Variants in WHRN observed in about 807,000 individuals in gnomAD.
The protein encoded by WHRN is whirlin, also known as CASK-interacting protein CIP98.
WHRN carries 41 observed loss-of-function variants against 68.3 expected under a neutral mutation model. The ratio of observed to expected loss-of-function variants is 0.60; its 90% CI spans 0.47 to 0.78. The LOEUF is 0.78. Ranked by LOEUF, WHRN falls within the 30% of genes least tolerant of loss-of-function variation. WHRN has a pLI of 0.00. For missense variants in WHRN, 1,243 were observed against 1,244.7 expected (o/e 1.00, Z 0.02); for synonymous variants, 560 against 561.3 (o/e 1.00, Z 0.03).
At position 114,424,473 on chromosome 9, in the gene WHRN, A is replaced by G; in HGVS notation, c.1277T>C (p.Leu426Pro). The G allele has an allele frequency of 1.2e-6, 2 of 1,614,022 alleles. No homozygotes were observed. Among genetic ancestry groups the G allele is most frequent in the Non-Finnish European group, 1.7e-6 (2 of 1,179,990 alleles). The change falls in exon 6 of 12, where the codon CTG (leucine) becomes CCG (proline). Residue 426 changes from leucine to proline, a missense_variant. Physicochemically the swap from Leu to Pro is moderately conservative, Grantham distance 98. Transcript: ENST00000362057. ...CAGCAGGTGCCGAGCCTGCTCCTCC[A>G]GCAGCACTCGTGTCTGGTTCCCCAG... ...SSLGNQTRVL[L>P]EEQARHLLNE... is the part of the protein sequence containing the mutation.
Position 114,504,356 on chromosome 9 carries a change from T to A in WHRN, c.446A>T (p.His149Leu). ...RLVSLRRAKA[H>L]EGLGFSIRGG... is the part of the protein sequence containing the mutation. ...ACGGATGCTGAAGCCCAAGCCCTCGTGGGCCTTGGCACGCCGCAAACTCAC... is the reference window on the plus strand; with the variant it reads ...ACGGATGCTGAAGCCCAAGCCCTCGAGGGCCTTGGCACGCCGCAAACTCAC... Residue 149 changes from histidine to leucine, a missense_variant, in exon 1 of 12, where the codon CAC becomes CTC. By Grantham distance (99) the His-to-Leu change is moderately conservative. Coordinates refer to ENST00000362057, the MANE Select transcript of WHRN (RefSeq NM_015404.4). 1 of 1,608,182 alleles carries A rather than the reference T, an allele frequency of 6.2e-7. No individual in the cohort carries two copies. Among genetic ancestry groups the A allele is most frequent in the Non-Finnish European group, 8.5e-7 (1 of 1,179,954 alleles).
intron 6 of WHRN, among the ~76,000 whole-genome samples, 191 bp downstream of exon 6, chr9:114,424,143 G>A (rs770554380): frequency 3.3e-5 from 5 of 152,220 alleles, no homozygotes; most frequent in Middle Eastern, 3.2e-3. Flanking sequence ...ATCACAGGGC[G>A]CTTTAAATGT....
intron 3 of WHRN, among the ~76,000 whole-genome samples, chr9:114,445,763 C>T (rs1033197092): frequency 6.6e-6 from 1 of 152,144 alleles, no homozygotes; most frequent in African/African-American, 2.4e-5. Flanking sequence ...CATTTCTGCC[C>T]CACACTGGGC....
intron 2 of WHRN, among the ~76,000 whole-genome samples, chr9:114,474,035 C>A (rs928132930): frequency 1.3e-5 from 2 of 152,138 alleles, no homozygotes; most frequent in South Asian, 2.1e-4. Context: ...CTGGGTCTTC[C>A]TTCCTTCTCT....
At chr9:114,441,095 C>G (rs1838334972) in intron 3 of WHRN, among the ~76,000 whole-genome samples, 1 of 152,186 alleles carries the variant, frequency 6.6e-6, no homozygotes, top group African/African-American at 2.4e-5. Flanking sequence ...TCAATAAATT[C>G]AGTAAGGCAC....
intron 1 of WHRN, 102 bp downstream of exon 1, chr9:114,504,082 G>A (rs1336764084): frequency 3.2e-6 from 5 of 1,546,130 alleles, no homozygotes; most frequent in African/African-American, 2.8e-5. Context: ...AGCCCAGAAA[G>A]GCCAAGTGAT....
At chr9:114,488,038 G>A (rs1342760818) in intron 1 of WHRN, among the ~76,000 whole-genome samples, 2 of 152,196 alleles carry the variant, frequency 1.3e-5, no homozygotes, top group East Asian at 1.9e-4. Flanking sequence ...GTAACCTGGT[G>A]GTGTCTTAGG....
At chr9:114,503,011 G>A (rs775899859) in intron 1 of WHRN, 9 of 507,844 alleles carry the variant, frequency 1.8e-5, no homozygotes, top group African/African-American at 2.1e-5. Flanking sequence ...GTTTCTGAAA[G>A]CCTCAAGGGC....
intron 1 of WHRN, among the ~76,000 whole-genome samples, chr9:114,496,846 C>G (rs935068318): frequency 6.6e-6 from 1 of 152,206 alleles, no homozygotes; most frequent in Admixed American, 6.5e-5. Context: ...TACCACCCTT[C>G]CTCAGATTTT....
intron 2 of WHRN, among the ~76,000 whole-genome samples, chr9:114,476,687 C>A (rs60682161): frequency 6.6e-6 from 1 of 152,136 alleles, no homozygotes; most frequent in Admixed American, 6.5e-5. Flanking sequence ...CTTGTCCACT[C>A]CCATAACATC....
intron 2 of WHRN, among the ~76,000 whole-genome samples, chr9:114,470,367 G>A (rs566834405): frequency 5.9e-5 from 9 of 152,240 alleles, no homozygotes; most frequent in Non-Finnish European, 1.2e-4. Flanking sequence ...GTGCAGCCCC[G>A]AAGAGTCACC....
chr9:114,448,579 T>G (rs1177988313), intron 3 of WHRN, among the ~76,000 whole-genome samples: 1 of 152,102 alleles, frequency 6.6e-6, no homozygotes, highest in Admixed American at 6.5e-5. Context: ...CTTCTGAAAC[T>G]GGGCCATCAA....
intron 7 of WHRN, among the ~76,000 whole-genome samples, chr9:114,412,966 T>C (rs985205085): frequency 1.3e-5 from 2 of 152,212 alleles, no homozygotes; most frequent in Non-Finnish European, 1.5e-5. Context: ...GGAGGGCTGT[T>C]ACATAAAGGT....
intron 6 of WHRN, among the ~76,000 whole-genome samples, chr9:114,423,874 C>T (rs569607174): frequency 1.1e-4 from 16 of 152,270 alleles, no homozygotes; most frequent in African/African-American, 2.6e-4. Context: ...TTAAGTCTTC[C>T]GAAACATAAC....
intron 3 of WHRN, among the ~76,000 whole-genome samples, chr9:114,445,583 T>C (rs1441728171): frequency 6.6e-6 from 1 of 152,162 alleles, no homozygotes; most frequent in Non-Finnish European, 1.5e-5. Context: ...AGACAAGCCA[T>C]AGCACAGGCC....
At chr9:114,449,952 T>C (rs550092547) in intron 3 of WHRN, among the ~76,000 whole-genome samples, 3 of 152,218 alleles carry the variant, frequency 2.0e-5, no homozygotes, top group South Asian at 4.1e-4. Flanking sequence ...TTATCATTAT[T>C]ATCAAAAACT....
At chr9:114,461,025 G>A (rs892521697) in intron 3 of WHRN, among the ~76,000 whole-genome samples, 5 of 152,206 alleles carry the variant, frequency 3.3e-5, no homozygotes, top group Non-Finnish European at 5.9e-5. Flanking sequence ...TAAACAGCAG[G>A]AATATAAAAT....
intron 3 of WHRN, among the ~76,000 whole-genome samples, chr9:114,428,931 CTT>C (rs5900087): frequency 0.028 from 4,092 of 146,144 alleles, 197 homozygotes; most frequent in African/African-American, 0.096. Context: ...AGATTAATTT[CTT>C]TTTTTTTTTT....
intron 7 of WHRN, among the ~76,000 whole-genome samples, chr9:114,417,308 G>T (rs1387327262): frequency 6.6e-6 from 1 of 152,206 alleles, no homozygotes; most frequent in South Asian, 2.1e-4. Context: ...CTCCATTTGG[G>T]GCCAGTGTCT....
Sources: allele counts gnomAD v4.1 joint callset (sites outside exome capture counted in the v4.1 genomes callset), GRCh38; gene constraint gnomAD v4.1.1; transcripts MANE v1.5; gene names NCBI Gene and HGNC (gene_info 2026-07-23, HGNC 2026-07-21).